The following MYO7A variants were observed in gnomAD, a reference collection of about 807,000 sequenced individuals.
The protein encoded by MYO7A is myosin VIIA, also known as unconventional myosin-VIIa.
A neutral mutation model predicts 263.8 loss-of-function variants in MYO7A; 210 were observed. The ratio of observed to expected loss-of-function variants is 0.80; its 90% CI spans 0.71 to 0.89. The LOEUF is 0.89. Ranked by LOEUF, MYO7A falls within the 40% of genes least tolerant of loss-of-function variation. The probability of loss-of-function intolerance (pLI) is 0.00; values close to 1 mark genes in which losing one functional copy is unlikely to be tolerated. For synonymous variants in MYO7A, 1,239 were observed against 1,197.3 expected (o/e 1.03, Z -0.72); for missense variants, 2,820 against 2,968.3 (o/e 0.95, Z 1.16).
chr11:77,146,967 A>T (rs1326832397), intron 3 of MYO7A, among the ~76,000 whole-genome samples: 2 of 152,126 alleles, frequency 1.3e-5, no homozygotes, highest in Non-Finnish European at 2.9e-5. Context: ...ACCACAAGGC[A>T]GCTGGGGAAT....
chr11:77,191,550 A>G (rs11237109), intron 30 of MYO7A, among the ~76,000 whole-genome samples: 94,090 of 152,062 alleles, frequency 0.62, 30,381 homozygotes, highest in African/African-American at 0.81. Flanking sequence ...CTCAGCAAAC[A>G]GGAGTTCCTT....
In MYO7A at chr11:77,189,305, T is replaced by C. The variant is rs192929996; in HGVS notation, c.3504-39T>C. ...GAGGTGGGGACCGGGGCTGTTCCTG[T>C]GGGGTGATTCCCCCTCCCTTGCCCT... is the stretch of plus-strand genomic sequence containing the variant. On this transcript the variant is annotated intron_variant, in intron 27 of 48. Coordinates refer to ENST00000409709, the MANE Select transcript of MYO7A (RefSeq NM_000260.4). The C allele has an allele frequency of 3.5e-4, 562 of 1,610,352 alleles. 4 individuals carry two copies. In the East Asian group the frequency reaches 0.011, roughly 32 times the overall value.
At chr11:77,143,290 C>T (rs1372730634) in intron 3 of MYO7A, among the ~76,000 whole-genome samples, 4 of 152,242 alleles carry the variant, frequency 2.6e-5, no homozygotes, top group South Asian at 2.1e-4. Context: ...TGAGATCACA[C>T]GTGCAGAACA....
chr11:77,132,730 G>C (rs190284361), intron 2 of MYO7A, among the ~76,000 whole-genome samples: 2,438 of 152,226 alleles, frequency 0.016, 74 homozygotes, highest in African/African-American at 0.056. Context: ...CTCGTGATCC[G>C]CCCACCTCGG....
intron 15 of MYO7A, among the ~76,000 whole-genome samples, chr11:77,172,536 G>A (rs1954195205): frequency 6.6e-6 from 1 of 152,146 alleles, no homozygotes; most frequent in African/African-American, 2.4e-5. Context: ...GGTAACTTTG[G>A]AAGTCCTGGG....
intron 23 of MYO7A, among the ~76,000 whole-genome samples, 162 bp from the exon 24 acceptor site, chr11:77,181,779 GTTTTTTTTTT>G (rs782689084): frequency 1.1e-4 from 10 of 90,054 alleles, no homozygotes; most frequent in African/African-American, 3.4e-4. Flanking sequence ...TTTTTTTTTT[GTTTTTTTTTT>G]TTTTTTTTTT....
chr11:77,192,281 G>A lies in MYO7A; in HGVS notation c.4152+3G>A. On this transcript the variant is annotated splice_donor_region_variant and intron_variant, in intron 31 of 48. Coordinates refer to ENST00000409709, the MANE Select transcript of MYO7A (RefSeq NM_000260.4). ...TTGGGGAGTACAGGTGTGAGAAGGT[G>A]AGTGGGAGGGAATCTTCCGCCAGGC... 6.2e-7 allele frequency: 1 copy of A among 1,612,884 alleles called. No homozygotes were observed. Among genetic ancestry groups the A allele is most frequent in the Non-Finnish European group, 8.5e-7 (1 of 1,178,868 alleles).
At position 77,190,796 on chromosome 11, in the gene MYO7A, T is replaced by C. The variant is rs781710192; in HGVS notation, c.3850T>C (p.Cys1284Arg). The C allele has an allele frequency of 1.3e-5, 21 of 1,592,246 alleles. No individual in the cohort carries two copies. The highest frequency in any genetic ancestry group is 1.8e-5 in the Non-Finnish European group (21 of 1,170,196). ...TDSATTAKEL[C>R]NALADKISLK... ...CTCGGCAACCACGGCCAAGGAGCTC[T>C]GCAACGCGCTGGCCGACAAGATCTC... The change falls in exon 30 of 49, where the codon TGC (cysteine) becomes CGC (arginine). Residue 1284 changes from cysteine (C) to arginine (R), a missense_variant. Physicochemically the swap from Cys to Arg is radical, Grantham distance 180. Coordinates refer to ENST00000409709, the MANE Select transcript of MYO7A (RefSeq NM_000260.4).
In MYO7A at chr11:77,138,922, G is replaced by A. The variant is rs1251024342; in HGVS notation, c.19-3787G>A. On this transcript the variant is annotated intron_variant, in intron 2 of 48. Coordinates refer to ENST00000409709, the MANE Select transcript of MYO7A (RefSeq NM_000260.4). The surrounding 1 kb of genome is among the most constrained non-coding windows in gnomAD (Gnocchi z 4.9). ...AAGATAACGAGCGGCAAAATGTCCT[G>A]AAACAGATTCCTTTTCACTCCACAA... 2.0e-5 allele frequency among the ~76,000 whole-genome samples: 3 copies of A among 152,234 alleles called. No individual in the cohort carries two copies. The highest frequency in any genetic ancestry group is 7.2e-5 in the African/African-American group (3 of 41,464).
chr11:77,162,728 T>C, intron 13 of MYO7A, 125 bp from the exon 14 acceptor site: 2 of 1,303,484 alleles, frequency 1.5e-6, no homozygotes, highest in Non-Finnish European at 1.1e-6. Flanking sequence ...AGAGCGCCTA[T>C]GTGAGGTAGA....
intron 44 of MYO7A, among the ~76,000 whole-genome samples, chr11:77,209,587 CAG>C (rs1190970870): frequency 6.6e-6 from 1 of 151,786 alleles, no homozygotes; most frequent in African/African-American, 2.4e-5. Context: ...CCAGTTCCCC[CAG>C]AGTCAGCCTT....
rs891975163 is a variant in MYO7A at position 77,209,162 on chromosome 11, G to A, written c.6051+359G>A. ...CTAGCATAGGCACCTGCAGGAAGCC[G>A]GGAGGGAAGCTTGCATGTTGAGCCT... On this transcript the variant is annotated intron_variant, in intron 44 of 48. Coordinates refer to ENST00000409709, the MANE Select transcript of MYO7A (RefSeq NM_000260.4). 20 of 235,346 alleles carry A rather than the reference G, an allele frequency of 8.5e-5. 1 individual carries two copies. The highest frequency in any genetic ancestry group is 4.0e-4 in the Admixed American group (8 of 19,788). 14.6% of individuals were successfully genotyped at this position (235,346 alleles called of 1,614,324 possible). A position where few individuals can be genotyped will look rare whatever the true frequency, so the allele number is the denominator to read the frequency against.
At chr11:77,204,853 C>T (rs1282968500) in intron 39 of MYO7A, among the ~76,000 whole-genome samples, 1 of 152,186 alleles carries the variant, frequency 6.6e-6, no homozygotes, top group Non-Finnish European at 1.5e-5. Context: ...AGTGCCAAAC[C>T]TTTGTACATA....
At chr11:77,134,866 C>T (rs1420289997) in intron 2 of MYO7A, among the ~76,000 whole-genome samples, 1 of 148,790 alleles carries the variant, frequency 6.7e-6, no homozygotes, top group Non-Finnish European at 1.5e-5. Flanking sequence ...CACTCTGCAA[C>T]TTCTGCCTCC....
chr11:77,190,919 C>T (rs1210560422), intron 30 of MYO7A, 49 bp downstream of exon 30: 5 of 1,493,372 alleles, frequency 3.3e-6, no homozygotes, highest in Non-Finnish European at 4.5e-6. Context: ...CCTCCCGGCC[C>T]CACTCCGGGC....
chr11:77,145,212 G>T (rs1951480371), intron 3 of MYO7A, among the ~76,000 whole-genome samples: 1 of 152,188 alleles, frequency 6.6e-6, no homozygotes, highest in Non-Finnish European at 1.5e-5. Context: ...GCAGTAGAGT[G>T]ACAATGCCCA....
intron 44 of MYO7A, among the ~76,000 whole-genome samples, chr11:77,209,574 C>A (rs1957723166): frequency 6.7e-6 from 1 of 148,846 alleles, no homozygotes; most frequent in Non-Finnish European, 1.5e-5. Context: ...GGCCCCTGGA[C>A]TACCAGTTCC....
intron 4 of MYO7A, among the ~76,000 whole-genome samples, chr11:77,151,824 C>T (rs1951992806): frequency 6.6e-6 from 1 of 152,242 alleles, no homozygotes; most frequent in Non-Finnish European, 1.5e-5. Flanking sequence ...GGCCAGCCTC[C>T]TCTTCCGGAG....
intron 4 of MYO7A, among the ~76,000 whole-genome samples, chr11:77,154,916 GTAGGCTGAGGCTGCTGGGGCA>G (rs1952305390): frequency 1.3e-5 from 2 of 152,230 alleles, no homozygotes; most frequent in South Asian, 4.2e-4. Context: ...CGTGGCCACA[GTAGGCTGAGGCTGCTGGGGCA>G]TAGCTGCGGC....
Sources: allele counts gnomAD v4.1 joint callset (sites outside exome capture counted in the v4.1 genomes callset), GRCh38; gene constraint gnomAD v4.1.1; non-coding constraint Gnocchi (gnomAD v3.1); transcripts MANE v1.5; gene names NCBI Gene and HGNC (gene_info 2026-07-23, HGNC 2026-07-21).